CSMD1: variants seen among roughly 807,000 people sequenced by gnomAD.
The protein encoded by CSMD1 is CUB and sushi domain-containing protein 1.
CSMD1 carries 213 observed loss-of-function variants against 417.5 expected under a neutral mutation model. The ratio of observed to expected loss-of-function variants is 0.51; its 90% CI spans 0.46 to 0.57. The LOEUF is 0.57. Among genes scored for constraint, CSMD1 ranks in the 20% least tolerant of loss-of-function variants. The pLI is 0.00. For missense variants in CSMD1, 6,923 were observed against 4,529.7 expected (o/e 1.53, Z -15.17); for synonymous variants, 2,862 against 1,736.8 (o/e 1.65, Z -16.11).
intron 5 of CSMD1, among the ~76,000 whole-genome samples, chr8:3,774,922 G>T (rs1297139139): frequency 1.3e-5 from 2 of 151,984 alleles, no homozygotes; most frequent in East Asian, 1.9e-4. Flanking sequence ...AACCAAGAAG[G>T]CTACTGACTG....
At chr8:4,470,774 T>G (rs1563210776) in intron 2 of CSMD1, among the ~76,000 whole-genome samples, 1 of 152,232 alleles carries the variant, frequency 6.6e-6, no homozygotes. Flanking sequence ...CCAGATTATT[T>G]AGACAATATT....
intron 2 of CSMD1, among the ~76,000 whole-genome samples, chr8:4,466,253 C>T (rs1800161010): frequency 6.6e-6 from 1 of 151,796 alleles, no homozygotes; most frequent in Non-Finnish European, 1.5e-5. Flanking sequence ...CAGATAACCA[C>T]AGATCAGTGG....
intron 3 of CSMD1, among the ~76,000 whole-genome samples, chr8:4,121,738 G>T (rs10112759): frequency 0.91 from 138,285 of 152,122 alleles, 63,316 homozygotes; most frequent in East Asian, 1. Flanking sequence ...TGGCAGCAAG[G>T]ATAAAACAGC....
In CSMD1 at chr8:2,937,942, T is replaced by C. The variant is rs1324437272; in HGVS notation, c.*643A>G. 2 of 152,652 alleles carry C rather than the reference T, an allele frequency of 1.3e-5. No homozygotes were observed. The highest frequency in any genetic ancestry group is 2.9e-5 in the Non-Finnish European group (2 of 68,056). The allele number at this position is 152,652 out of a possible 1,614,324, so 9.5% of individuals were successfully genotyped here. On this transcript the variant is annotated 3_prime_UTR_variant, in exon 70 of 70. Coordinates refer to ENST00000635120, the MANE Select transcript of CSMD1 (RefSeq NM_033225.6). ...CATAACACACTAGTGCAAAAAATTG[T>C]GCATTAAACATTCTGCGACAGAACA... is the stretch of plus-strand genomic sequence containing the variant.
intron 1 of CSMD1, among the ~76,000 whole-genome samples, chr8:4,838,043 G>C (rs1426980739): frequency 6.6e-6 from 1 of 152,190 alleles, no homozygotes; most frequent in Non-Finnish European, 1.5e-5. Context: ...AGGCAAGGCA[G>C]TGTGAATGGG....
chr8:4,436,956 G>C (rs946528047), intron 2 of CSMD1, among the ~76,000 whole-genome samples: 1 of 152,148 alleles, frequency 6.6e-6, no homozygotes, highest in Non-Finnish European at 1.5e-5. Context: ...CTTACCTAGA[G>C]TGTACAGTGC....
intron 51 of CSMD1, among the ~76,000 whole-genome samples, chr8:3,019,202 G>C (rs1809140747): frequency 6.6e-6 from 1 of 152,204 alleles, no homozygotes; most frequent in African/African-American, 2.4e-5. Flanking sequence ...ACAGGCGTGA[G>C]CCACTGTGCC....
rs112037883 is a variant in CSMD1 at position 3,604,034 on chromosome 8, T to C, written c.1097+12676A>G. On this transcript the variant is annotated intron_variant, in intron 8 of 69. Coordinates refer to ENST00000635120, the MANE Select transcript of CSMD1 (RefSeq NM_033225.6). ...TTGCCTTACAACCTGTAAATGTAAA[T>C]GCATTCCTGATATAAAAGTAAAATT... is the stretch of plus-strand genomic sequence containing the variant. Among the ~76,000 whole-genome samples the C allele has an allele frequency of 4.0e-3, 612 of 152,320 alleles. 6 individuals carry two copies. The highest frequency in any genetic ancestry group is 0.014 in the African/African-American group (581 of 41,576).
intron 10 of CSMD1, among the ~76,000 whole-genome samples, chr8:3,496,559 A>C (rs1019107571): frequency 6.6e-6 from 1 of 152,038 alleles, no homozygotes; most frequent in Non-Finnish European, 1.5e-5. Flanking sequence ...GGTATGTTGT[A>C]TTTCTATTTT....
At chr8:3,753,512 T>C (rs923274351) in intron 6 of CSMD1, among the ~76,000 whole-genome samples, 1 of 152,236 alleles carries the variant, frequency 6.6e-6, no homozygotes, top group African/African-American at 2.4e-5. Flanking sequence ...ATTTATGTGG[T>C]GTGAAGACCT....
chr8:3,343,427 G>A lies in CSMD1; in HGVS notation c.3498C>T (p.Ser1166=). ...TLKVYDGKDS[S]SRPLGTFTKN... ...TAGTGAACGTGCCCAGTGGACGTGA[G>A]GAACTGTCTTTTCCATCATATACCT... is the stretch of plus-strand genomic sequence containing the variant. The change falls in exon 23 of 70, where the codon TCC becomes TCT. Residue 1166 remains serine (S), a synonymous_variant. Coordinates refer to ENST00000635120, the MANE Select transcript of CSMD1 (RefSeq NM_033225.6). The A allele has an allele frequency of 6.2e-7, 1 of 1,613,714 alleles. No individual in the cohort carries two copies.
chr8:4,170,085 G>T (rs370278556), intron 3 of CSMD1, among the ~76,000 whole-genome samples: 1 of 151,782 alleles, frequency 6.6e-6, no homozygotes, highest in Admixed American at 6.5e-5. Flanking sequence ...GTGAGTCAAA[G>T]ATTAAAAATA....
At chr8:3,509,252 G>T (rs1031937787) in intron 10 of CSMD1, among the ~76,000 whole-genome samples, 1 of 152,184 alleles carries the variant, frequency 6.6e-6, no homozygotes, top group Non-Finnish European at 1.5e-5. Context: ...ACACAGAGAT[G>T]AAAGGAGATT....
At chr8:4,757,959 CAAAAAAA>C (rs35869578) in intron 1 of CSMD1, among the ~76,000 whole-genome samples, 11 of 72,058 alleles carry the variant, frequency 1.5e-4, no homozygotes, top group South Asian at 4.8e-4. Context: ...GACTTTGTCT[CAAAAAAA>C]AAAAAAAAAA....
chr8:4,919,964 G>C (rs1322706643), intron 1 of CSMD1, among the ~76,000 whole-genome samples: 2 of 152,096 alleles, frequency 1.3e-5, no homozygotes, highest in Non-Finnish European at 2.9e-5. Context: ...CTTGATCTTG[G>C]ACTTCCCAGC....
chr8:2,999,225 G>C (rs1433687213), intron 53 of CSMD1, among the ~76,000 whole-genome samples: 1 of 140,234 alleles, frequency 7.1e-6, no homozygotes, highest in Non-Finnish European at 1.5e-5. Flanking sequence ...CACGATCTCT[G>C]CTCACTGCAA....
chr8:4,596,510 C>G (rs1043955776), intron 2 of CSMD1, among the ~76,000 whole-genome samples: 1 of 152,064 alleles, frequency 6.6e-6, no homozygotes. Context: ...ACACAAGACT[C>G]TGTTCCTTAA....
At chr8:3,195,969 T>G (rs766545788) in intron 33 of CSMD1, among the ~76,000 whole-genome samples, 2 of 152,156 alleles carry the variant, frequency 1.3e-5, no homozygotes, top group African/African-American at 4.8e-5. Flanking sequence ...TGAGACCTAC[T>G]AGGCTAAATT....
chr8:3,893,542 C>T (rs1217718033), intron 5 of CSMD1, among the ~76,000 whole-genome samples: 2 of 151,394 alleles, frequency 1.3e-5, no homozygotes, highest in Admixed American at 1.3e-4. Flanking sequence ...TATTATGAAA[C>T]CAAAGGCAAA....
Sources: gnomAD v4.1 joint callset for allele counts (sites outside exome capture counted in the v4.1 genomes callset) on GRCh38, gnomAD v4.1.1 for gene constraint, MANE v1.5 for transcripts, NCBI Gene and HGNC (gene_info 2026-07-23, HGNC 2026-07-21) for gene names.